Variants in MPPED1 observed in about 807,000 individuals in gnomAD.
MPPED1 encodes metallophosphoesterase domain-containing protein 1.
Under a neutral mutation model 36.2 loss-of-function variants are expected in MPPED1, and 16 were observed. That is an observed-to-expected ratio of 0.44 (90% CI 0.30 to 0.67). The LOEUF (loss-of-function observed/expected upper bound fraction) is 0.67, where lower values mean the gene tolerates loss of function less well. Among genes scored for constraint, MPPED1 ranks in the 30% least tolerant of loss-of-function variants. MPPED1 has a pLI of 0.10. For missense variants in MPPED1, 307 were observed against 453.4 expected, an observed-to-expected ratio of 0.68 and a Z score of 2.93; for synonymous variants, 199 against 191.3, an observed-to-expected ratio of 1.04 and a Z score of -0.33.
intron 3 of MPPED1, among the ~76,000 whole-genome samples, chr22:43,451,023 G>GT (rs1930545932): frequency 1.6e-5 from 2 of 121,672 alleles, no homozygotes; most frequent in African/African-American, 5.5e-5. Flanking sequence ...ACTGCATCTG[G>GT]CTTTTTTTTT....
chr22:43,458,762 G>T (rs1323721130), intron 3 of MPPED1, among the ~76,000 whole-genome samples: 6 of 152,192 alleles, frequency 3.9e-5, no homozygotes, highest in Non-Finnish European at 8.8e-5. Flanking sequence ...ATCTGGGAAT[G>T]ACTTAATTTC....
intron 3 of MPPED1, among the ~76,000 whole-genome samples, chr22:43,466,808 C>G (rs1931188555): frequency 6.6e-6 from 1 of 152,152 alleles, no homozygotes; most frequent in Non-Finnish European, 1.5e-5. Flanking sequence ...CTTGCCTTGC[C>G]CAACCCTTCC....
intron 4 of MPPED1, among the ~76,000 whole-genome samples, chr22:43,495,418 GGTGGTGGAGGAGGAGGTACTAGTA>G: frequency 6.6e-6 from 1 of 151,510 alleles, no homozygotes; most frequent in African/African-American, 2.4e-5. Flanking sequence ...TGGAGGTGGT[GGTGGTGGAGGAGGAGGTACTAGTA>G]ATGGAGGTGG....
intron 3 of MPPED1, among the ~76,000 whole-genome samples, chr22:43,455,033 G>T (rs1225869524): frequency 6.6e-6 from 1 of 151,640 alleles, no homozygotes; most frequent in Non-Finnish European, 1.5e-5. Flanking sequence ...GGTTTCTTTT[G>T]AGGCCTCTCT....
intron 3 of MPPED1, among the ~76,000 whole-genome samples, chr22:43,457,667 A>G (rs1438194760): frequency 6.6e-6 from 1 of 152,076 alleles, no homozygotes; most frequent in African/African-American, 2.4e-5. Context: ...CTTTTACTAT[A>G]TTGAAAAATT....
Position 43,505,757 on chromosome 22 carries a change from C to T in MPPED1, c.*141C>T, listed in dbSNP as rs1425072354. The T allele has an allele frequency of 3.0e-5, 20 of 669,070 alleles. No individual in the cohort carries two copies. The highest frequency in any genetic ancestry group is 3.9e-5 in the Non-Finnish European group (15 of 384,964). The allele number at this position is 669,070 out of a possible 1,614,324, so 41.4% of individuals were successfully genotyped here. On this transcript the variant is annotated 3_prime_UTR_variant, in exon 7 of 7. Transcript: ENST00000443721. ...TAGCAGGCAGGTCAGGGCCTTGGAA[C>T]GACTCTTTAGCCTTCTGTCACCTGG...
At chr22:43,490,804 C>T (rs143552940) in intron 4 of MPPED1, among the ~76,000 whole-genome samples, 1 of 152,300 alleles carries the variant, frequency 6.6e-6, no homozygotes, top group African/African-American at 2.4e-5. Flanking sequence ...CTGAGTCCTT[C>T]CCAGAAGCAC....
chr22:43,498,170 G>A (rs553555877), intron 4 of MPPED1, 65 bp from the exon 5 acceptor site: 23 of 1,327,746 alleles, frequency 1.7e-5, no homozygotes, highest in Middle Eastern at 3.6e-4. Context: ...GGGGAGCTCC[G>A]CATTCCCTCT....
intron 3 of MPPED1, among the ~76,000 whole-genome samples, chr22:43,457,687 G>A (rs1363063873): frequency 6.6e-6 from 1 of 151,832 alleles, no homozygotes; most frequent in South Asian, 2.1e-4. Context: ...TGTATTAGTT[G>A]TTGCCCTGGG....
intron 3 of MPPED1, among the ~76,000 whole-genome samples, chr22:43,457,883 C>T (rs1930810556): frequency 6.6e-6 from 1 of 152,164 alleles, no homozygotes; most frequent in Non-Finnish European, 1.5e-5. Flanking sequence ...TTTATAACTA[C>T]AGTCATGTGC....
At chr22:43,495,483 TGGTGGAGGTAGTGGTGGTGGAGGTG>T (rs1932253241) in intron 4 of MPPED1, among the ~76,000 whole-genome samples, 1 of 45,462 alleles carries the variant, frequency 2.2e-5, no homozygotes, top group Non-Finnish European at 3.7e-5. Context: ...GTGGAGGTGG[TGGTGGAGGTAGTGGTGGTGGAGGTG>T]GTGGTGGTGG....
At chr22:43,463,861 TTC>T (rs1426307060) in intron 3 of MPPED1, among the ~76,000 whole-genome samples, 2 of 136,392 alleles carry the variant, frequency 1.5e-5, no homozygotes, top group African/African-American at 5.4e-5. Flanking sequence ...CTTTCTTTCT[TTC>T]TTTCTTTCTT....
chr22:43,469,066 GT>G (rs1346978863), intron 3 of MPPED1, among the ~76,000 whole-genome samples: 15 of 152,146 alleles, frequency 9.9e-5, no homozygotes, highest in Admixed American at 9.8e-4. Context: ...GTCACGTTAT[GT>G]TCTGGTCTCC....
rs140929162 is a variant in MPPED1, at chr22:43,450,283, C to A, written c.406+15068C>A. ...GGAAAGGAATGGGCAGGCCCCCTCC[C>A]GGTCCTGCCTGGCCACATGCCTGCT... On this transcript the variant is annotated intron_variant, in intron 3 of 6. Coordinates refer to ENST00000443721, the MANE Select transcript of MPPED1 (RefSeq NM_001044370.2). Among the ~76,000 whole-genome samples, 1,167 of 152,326 alleles carry A rather than the reference C, an allele frequency of 7.7e-3. 25 individuals carry two copies. Among genetic ancestry groups the A allele is most frequent in the African/African-American group, 0.026 (1,092 of 41,572 alleles).
chr22:43,418,256 G>A (rs1312440313), intron 1 of MPPED1: 1 of 428,556 alleles, frequency 2.3e-6, no homozygotes, highest in Non-Finnish European at 4.7e-6. Context: ...GTGAACTGGG[G>A]CTGTCCTGGG....
intron 4 of MPPED1, among the ~76,000 whole-genome samples, chr22:43,479,862 C>A (rs1320801713): frequency 6.6e-6 from 1 of 152,150 alleles, no homozygotes; most frequent in East Asian, 1.9e-4. Flanking sequence ...AATGGTAGGT[C>A]AGATTTTCTT....
chr22:43,453,772 T>A (rs1055381189), intron 3 of MPPED1, among the ~76,000 whole-genome samples: 1 of 152,188 alleles, frequency 6.6e-6, no homozygotes, highest in African/African-American at 2.4e-5. Context: ...CTCCCCAGAT[T>A]ATTTATTTAA....
At chr22:43,473,832 C>T (rs1046498685) in intron 3 of MPPED1, among the ~76,000 whole-genome samples, 21 of 152,212 alleles carry the variant, frequency 1.4e-4, no homozygotes, top group African/African-American at 4.6e-4. Context: ...CAGCCAGTCT[C>T]TCTTGGGTGA....
rs1257715295 is a variant in MPPED1, at chr22:43,490,046, G to C, written c.633-8189G>C. 2.0e-5 allele frequency among the ~76,000 whole-genome samples: 3 copies of C among 152,224 alleles called. No individual in the cohort carries two copies. In the East Asian group the frequency reaches 5.8e-4, roughly 29 times the overall value. On this transcript the variant is annotated intron_variant, in intron 4 of 6. Transcript: ENST00000443721. ...CATCTTTACACAGGAGGAAACCGAG[G>C]CTGGAAGAGGTGCAGTGAGCAGCCA...
Sources: gnomAD v4.1 joint callset for allele counts (sites outside exome capture counted in the v4.1 genomes callset) on GRCh38, gnomAD v4.1.1 for gene constraint, MANE v1.5 for transcripts, NCBI Gene and HGNC (gene_info 2026-07-23, HGNC 2026-07-21) for gene names.